Variants in TTLL5 observed in about 807,000 individuals in gnomAD.
TTLL5 encodes tubulin polyglutamylase TTLL5.
A neutral mutation model predicts 168.4 loss-of-function variants in TTLL5; 132 were observed. The observed-to-expected ratio is 0.78, with a 90% CI of 0.68 to 0.91. The LOEUF (loss-of-function observed/expected upper bound fraction) is 0.91. TTLL5 is among the 40% of genes least tolerant of loss of function. The pLI is 0.00. For missense variants in TTLL5, 1,545 were observed against 1,581.5 expected (o/e 0.98, Z 0.39); for synonymous variants, 546 against 558.6 (o/e 0.98, Z 0.32).
chr14:75,890,801 C>G (rs886192273), intron 30 of TTLL5, among the ~76,000 whole-genome samples: 4 of 152,148 alleles, frequency 2.6e-5, no homozygotes, highest in Non-Finnish European at 5.9e-5. Context: ...CTCACTGCAG[C>G]CTCTGTCTCC....
chr14:75,877,157 C>T (rs1057166757), intron 29 of TTLL5, among the ~76,000 whole-genome samples: 2 of 152,226 alleles, frequency 1.3e-5, no homozygotes, highest in East Asian at 3.9e-4. Flanking sequence ...CCTACTTTAT[C>T]CCCCTTCATT....
intron 27 of TTLL5, among the ~76,000 whole-genome samples, chr14:75,800,958 T>C (rs996214241): frequency 2.0e-5 from 3 of 152,158 alleles, no homozygotes; most frequent in Admixed American, 2.0e-4. Context: ...CTGGTTGTGC[T>C]AGTGGTTTTT....
chr14:75,795,944 C>G (rs1382640620), intron 27 of TTLL5, among the ~76,000 whole-genome samples: 1 of 152,164 alleles, frequency 6.6e-6, no homozygotes, highest in Non-Finnish European at 1.5e-5. Context: ...TGGGTAGATA[C>G]CCAGTAGTGG....
rs566907027 is a variant in TTLL5, at chr14:75,934,226, C to T, written c.3824-20198C>T. On this transcript the variant is annotated intron_variant, in intron 31 of 31. Coordinates refer to ENST00000298832, the MANE Select transcript of TTLL5 (RefSeq NM_015072.5). ...CTTTGTTAGAAGTGATTCCAGTGCA[C>T]ACCCAAGGGGAGGCAATTACATAAG... Among the ~76,000 whole-genome samples, 17 of 152,318 alleles carry T rather than the reference C, an allele frequency of 1.1e-4. 2 individuals carry two copies. The South Asian group carries it at 3.5e-3, about 32-fold the overall frequency.
chr14:75,893,817 CAAAAAAAAA>C (rs61332109), intron 30 of TTLL5, among the ~76,000 whole-genome samples: 4 of 71,600 alleles, frequency 5.6e-5, no homozygotes, highest in Non-Finnish European at 1.0e-4. Context: ...GACTCCATCT[CAAAAAAAAA>C]AAAAAAAAAA....
chr14:75,889,845 G>A (rs28497038), intron 30 of TTLL5, among the ~76,000 whole-genome samples: 2,738 of 9,436 alleles, frequency 0.29, 329 homozygotes, highest in African/African-American at 0.45. Context: ...AAAAAAAAAA[G>A]AGGAAGGAAG....
intron 20 of TTLL5, among the ~76,000 whole-genome samples, chr14:75,769,299 A>G (rs1042806222): frequency 6.6e-6 from 1 of 152,178 alleles, no homozygotes; most frequent in African/African-American, 2.4e-5. Flanking sequence ...GGGAAAGTCC[A>G]CGCACAGCCA....
intron 31 of TTLL5, among the ~76,000 whole-genome samples, chr14:75,931,355 C>G (rs1290284161): frequency 6.6e-6 from 1 of 152,170 alleles, no homozygotes; most frequent in Non-Finnish European, 1.5e-5. Flanking sequence ...AAGCCAGAAA[C>G]TGAGAGGCAT....
At chr14:75,682,515 G>C (rs887489623) in intron 4 of TTLL5, among the ~76,000 whole-genome samples, 17 of 152,176 alleles carry the variant, frequency 1.1e-4, no homozygotes, top group African/African-American at 4.1e-4. Flanking sequence ...TCTGGAGATA[G>C]AATGATTGGC....
intron 30 of TTLL5, among the ~76,000 whole-genome samples, chr14:75,883,296 GTTTTTAA>G (rs1325154325): frequency 6.6e-6 from 1 of 152,234 alleles, no homozygotes; most frequent in Non-Finnish European, 1.5e-5. Context: ...TAGCAACAGT[GTTTTTAA>G]TACCTTTTGT....
chr14:75,940,988 G>A (rs1203226011), intron 31 of TTLL5, among the ~76,000 whole-genome samples: 2 of 152,184 alleles, frequency 1.3e-5, no homozygotes, highest in African/African-American at 4.8e-5. Flanking sequence ...ACACTCATTT[G>A]CGAGTAGAAA....
At chr14:75,669,001 T>G (rs771687735) in intron 2 of TTLL5, among the ~76,000 whole-genome samples, 37 of 152,208 alleles carry the variant, frequency 2.4e-4, no homozygotes, top group Non-Finnish European at 5.0e-4. Flanking sequence ...ACAAAATGGT[T>G]GTTGCCCTTC....
intron 30 of TTLL5, among the ~76,000 whole-genome samples, chr14:75,897,765 A>G (rs1014029298): frequency 9.2e-5 from 14 of 152,214 alleles, no homozygotes; most frequent in Admixed American, 7.9e-4. Flanking sequence ...GAGCCACCGC[A>G]CCTGGCTTAA....
chr14:75,707,547 G>T, intron 8 of TTLL5, 76 bp from the exon 9 acceptor site: 3 of 1,287,260 alleles, frequency 2.3e-6, no homozygotes, highest in Non-Finnish European at 2.2e-6. Context: ...CATGTTTCTT[G>T]GTTTCGTTGT....
At chr14:75,914,029 A>ATAT (rs1555356357) in intron 31 of TTLL5, among the ~76,000 whole-genome samples, 1 of 78,338 alleles carries the variant, frequency 1.3e-5, no homozygotes, top group Non-Finnish European at 2.0e-5. Context: ...AAAAAAAAAA[A>ATAT]AAAAATATAT....
At chr14:75,719,379 C>T (rs932655918) in intron 10 of TTLL5, among the ~76,000 whole-genome samples, 1 of 152,320 alleles carries the variant, frequency 6.6e-6, no homozygotes, top group South Asian at 2.1e-4. Flanking sequence ...GTGACATTCA[C>T]CTCAAAGGTT....
At chr14:75,731,708 C>T (rs1304014014) in intron 12 of TTLL5, among the ~76,000 whole-genome samples, 3 of 152,136 alleles carry the variant, frequency 2.0e-5, no homozygotes, top group Non-Finnish European at 2.9e-5. Context: ...TTTCTCTTTC[C>T]TTGTCTGTCT....
chr14:75,946,437 G>A (rs1381546198), intron 31 of TTLL5, among the ~76,000 whole-genome samples: 1 of 152,192 alleles, frequency 6.6e-6, no homozygotes, highest in Non-Finnish European at 1.5e-5. Context: ...CCACAAGGAG[G>A]AAAAGGAAAC....
intron 29 of TTLL5, among the ~76,000 whole-genome samples, chr14:75,876,430 CT>C (rs2031486904): frequency 6.6e-6 from 1 of 152,108 alleles, no homozygotes; most frequent in Non-Finnish European, 1.5e-5. Context: ...TCTTTGTATC[CT>C]TTAGAGTAGG....
Sources: allele counts gnomAD v4.1 joint callset (sites outside exome capture counted in the v4.1 genomes callset), GRCh38; gene constraint gnomAD v4.1.1; transcripts MANE v1.5; gene names NCBI Gene and HGNC (gene_info 2026-07-23, HGNC 2026-07-21).